GALC: variants seen among roughly 807,000 people sequenced by gnomAD.
GALC encodes galactosylceramidase, also known as galactocerebrosidase.
Under a neutral mutation model 91.8 loss-of-function variants are expected in GALC, and 77 were observed. That is an observed-to-expected ratio of 0.84 (90% CI 0.70 to 1.01). GALC has a LOEUF of 1.01. Ranked by LOEUF, GALC falls within the 50% of genes least tolerant of loss-of-function variation. The pLI, the probability that GALC is intolerant of heterozygous loss-of-function variation, is 0.00. For missense variants in GALC, 882 were observed against 855.9 expected (o/e 1.03, Z -0.38); for synonymous variants, 357 against 306.7 (o/e 1.16, Z -1.71).
intron 10 of GALC, chr14:87,953,399 G>A: frequency 2.1e-6 from 3 of 1,451,654 alleles, no homozygotes; most frequent in South Asian, 2.3e-5. Context: ...TATGAAAGTG[G>A]ACAAAACCAA....
chr14:87,954,428 C>G (rs1010518458), intron 10 of GALC: 14 of 1,592,024 alleles, frequency 8.8e-6, no homozygotes, highest in Non-Finnish European at 1.2e-5. Context: ...AGCCTGGTAC[C>G]CTCAACTGCA....
chr14:87,953,811 A>T, intron 10 of GALC: 3 of 1,607,916 alleles, frequency 1.9e-6, no homozygotes, highest in Non-Finnish European at 2.5e-6. Context: ...TAAAAGCCAG[A>T]AGTATGATTG....
At chr14:87,959,106 A>G (rs920184673) in intron 10 of GALC, among the ~76,000 whole-genome samples, 1 of 152,178 alleles carries the variant, frequency 6.6e-6, no homozygotes, top group African/African-American at 2.4e-5. Context: ...TATCTAGACT[A>G]TGTAAAGAAC....
chr14:87,960,748 T>TAGTGC (rs1885769495), intron 10 of GALC, among the ~76,000 whole-genome samples: 1 of 152,114 alleles, frequency 6.6e-6, no homozygotes, highest in African/African-American at 2.4e-5. Context: ...TTTCAAAAAA[T>TAGTGC]AGTGCAGGGA....
chr14:87,983,028 T>G (rs984842719), intron 5 of GALC, among the ~76,000 whole-genome samples: 2 of 152,194 alleles, frequency 1.3e-5, no homozygotes, highest in Non-Finnish European at 2.9e-5. Flanking sequence ...CTACAGGTTA[T>G]AAATGTCCTG....
chr14:87,941,396 T>A lies in GALC; in HGVS notation c.1833A>T (p.Leu611Phe). The change falls in exon 15 of 17, where the codon TTA (leucine) becomes TTT (phenylalanine). Residue 611 changes from leucine (L) to phenylalanine (F), a missense_variant and splice_region_variant. Physicochemically the swap from Leu to Phe is conservative, Grantham distance 22. Coordinates refer to ENST00000261304, the MANE Select transcript of GALC (RefSeq NM_000153.4). ...ANGSYRVTGD[L>F]AGWIIYALGR... ...TTAAAAAAAAAAAAAGTCAGTTACC[T>A]AAATCACCTGTAACCCTGTAAGATC... The A allele has an allele frequency of 6.4e-7, 1 of 1,567,610 alleles. No homozygotes were observed. Among genetic ancestry groups the A allele is most frequent in the Non-Finnish European group, 8.7e-7 (1 of 1,151,662 alleles).
chr14:87,948,010 G>A (rs1263850888), intron 12 of GALC, 132 bp from the exon 13 acceptor site: 1 of 764,510 alleles, frequency 1.3e-6, no homozygotes, highest in African/African-American at 1.8e-5. Flanking sequence ...AACATTTGTG[G>A]AAAACTCACC....
chr14:87,961,955 C>G (rs956433657), intron 10 of GALC, among the ~76,000 whole-genome samples: 1 of 152,152 alleles, frequency 6.6e-6, no homozygotes, highest in African/African-American at 2.4e-5. Context: ...GTTTGTGATT[C>G]CTGTATAAAT....
intron 13 of GALC, among the ~76,000 whole-genome samples, chr14:87,946,036 G>A (rs548493119): frequency 1.1e-3 from 173 of 152,064 alleles, no homozygotes; most frequent in Middle Eastern, 3.4e-3. Context: ...TCAGTCTGTC[G>A]CCCTGGACAA....
At chr14:87,990,069 T>G (rs767703148) in intron 1 of GALC, among the ~76,000 whole-genome samples, 4 of 152,200 alleles carry the variant, frequency 2.6e-5, no homozygotes, top group Non-Finnish European at 4.4e-5. Flanking sequence ...CTTCTGGCCC[T>G]GCTCACTGAT....
At chr14:87,974,779 T>C (rs1886428333) in intron 7 of GALC, among the ~76,000 whole-genome samples, 1 of 151,894 alleles carries the variant, frequency 6.6e-6, no homozygotes, top group South Asian at 2.1e-4. Flanking sequence ...ACATTTGGTA[T>C]TAAATGGCCA....
intron 6 of GALC, among the ~76,000 whole-genome samples, chr14:87,979,079 T>C (rs764793750): frequency 6.6e-6 from 1 of 152,146 alleles, no homozygotes; most frequent in South Asian, 2.1e-4. Context: ...CTCGCTCTTT[T>C]TGCCCAGGCT....
rs1015159616 is a variant in GALC at position 87,950,537 on chromosome 14, C to T, written c.1251+122G>A. ...AGACAGAAGACACCAGGGCCTCTGTCAATTCATATGCAAACTGTTAAAAGT... is the reference window on the plus strand; with the variant it reads ...AGACAGAAGACACCAGGGCCTCTGTTAATTCATATGCAAACTGTTAAAAGT... On this transcript the variant is annotated intron_variant, in intron 11 of 16. Transcript: ENST00000261304. The T allele has an allele frequency of 4.9e-5, 33 of 669,522 alleles. No individual in the cohort carries two copies. The African/African-American group carries it at 5.7e-4, about 11-fold the overall frequency. 41.5% of individuals were successfully genotyped at this position (669,522 alleles called of 1,614,324 possible). A position where few individuals can be genotyped will look rare whatever the true frequency, so the allele number is the denominator to read the frequency against.
At chr14:87,946,774 CAA>C (rs1422986677) in intron 13 of GALC, among the ~76,000 whole-genome samples, 1 of 151,846 alleles carries the variant, frequency 6.6e-6, no homozygotes, top group Non-Finnish European at 1.5e-5. Flanking sequence ...GAGGCCATTT[CAA>C]AGAGTTGCAG....
intron 10 of GALC, among the ~76,000 whole-genome samples, chr14:87,957,106 T>C (rs989087336): frequency 1.3e-5 from 2 of 152,088 alleles, no homozygotes; most frequent in African/African-American, 4.8e-5. Flanking sequence ...CACTTTTTAA[T>C]GGGATTTGTG....
In GALC at chr14:87,950,632, AAAAT is replaced by A. The variant is rs769598460; in HGVS notation, c.1251+23_1251+26del. 3.3e-5 allele frequency: 45 copies of A among 1,370,688 alleles called. No homozygotes were observed. In the East Asian group the frequency reaches 5.6e-4, roughly 17 times the overall value. The allele number at this position is 1,370,688 out of a possible 1,614,324, so 84.9% of individuals were successfully genotyped here. ...ATATATAAATTCTTAAATCAAAACT[AAAAT>A]AAAGTTAAACATATTTACTTACAAA... On this transcript the variant is annotated intron_variant, in intron 11 of 16. Transcript: ENST00000261304.
rs185181747 is a variant in GALC, at chr14:87,933,855, A to C, written c.*877T>G. ...TGTCTAAGTGCTCCCCTCCTTCCAC[A>C]CATAAGGAGAGAAAAGCATTCATCA... On this transcript the variant is annotated 3_prime_UTR_variant, in exon 17 of 17. Coordinates refer to ENST00000261304, the MANE Select transcript of GALC (RefSeq NM_000153.4). The C allele has an allele frequency of 1.2e-5, 9 of 777,986 alleles. No individual in the cohort carries two copies. In the Admixed American group the frequency reaches 1.8e-4, roughly 16 times the overall value. 48.2% of individuals were successfully genotyped at this position (777,986 alleles called of 1,614,324 possible). A position where few individuals can be genotyped will look rare whatever the true frequency, so the allele number is the denominator to read the frequency against.
chr14:87,965,414 G>A (rs1885992869), intron 9 of GALC, 91 bp downstream of exon 9: 4 of 1,357,590 alleles, frequency 2.9e-6, no homozygotes, highest in Non-Finnish European at 4.2e-6. Context: ...AACACGCATA[G>A]ACACACAGTT....
At chr14:87,945,989 A>G (rs765321993) in intron 13 of GALC, among the ~76,000 whole-genome samples, 10 of 152,032 alleles carry the variant, frequency 6.6e-5, no homozygotes, top group Non-Finnish European at 1.2e-4. Context: ...AGGAAAGGTC[A>G]TGAGTTTTGA....
Sources: allele counts gnomAD v4.1 joint callset (sites outside exome capture counted in the v4.1 genomes callset), GRCh38; gene constraint gnomAD v4.1.1; transcripts MANE v1.5; gene names NCBI Gene and HGNC (gene_info 2026-07-23, HGNC 2026-07-21).